Variants in SFI1 observed in about 807,000 individuals in gnomAD.
SFI1 encodes the protein SFI1 centrin binding protein, also known as protein SFI1 homolog.
SFI1 carries 195 observed loss-of-function variants against 207.5 expected under a neutral mutation model. The observed-to-expected ratio is 0.94, with a 90% CI of 0.84 to 1.06. The LOEUF is 1.06. Ranked by LOEUF, SFI1 falls within the 50% of genes least tolerant of loss-of-function variation. SFI1 has a pLI of 0.00. For missense variants in SFI1, 1,634 were observed against 1,588.0 expected, an observed-to-expected ratio of 1.03 and a Z score of -0.49; for synonymous variants, 630 against 598.9, an observed-to-expected ratio of 1.05 and a Z score of -0.76.
chr22:31,590,963 AT>A (rs1436353993), intron 15 of SFI1, among the ~76,000 whole-genome samples: 33 of 14,496 alleles, frequency 2.3e-3, no homozygotes, highest in African/African-American at 5.5e-3. Context: ...TTATTTATTT[AT>A]TTATTTATTT....
At chr22:31,547,554 G>A (rs753952704) in intron 5 of SFI1, among the ~76,000 whole-genome samples, 42 of 151,514 alleles carry the variant, frequency 2.8e-4, no homozygotes, top group Non-Finnish European at 4.6e-4. Flanking sequence ...CAGGTGATCC[G>A]CCTGCCTTGG....
intron 15 of SFI1, among the ~76,000 whole-genome samples, chr22:31,591,483 C>T (rs1287748720): frequency 6.6e-6 from 1 of 151,932 alleles, no homozygotes. Flanking sequence ...AGCTATTGGG[C>T]ACACCTCCCA....
chr22:31,580,342 C>T lies in SFI1; in HGVS notation c.1226C>T (p.Ala409Val), dbSNP rs1364658898. The change falls in exon 12 of 33, where the codon GCT (alanine) becomes GTT (valine). Residue 409 changes from alanine to valine, a missense_variant. By Grantham distance (64) the Ala-to-Val change is moderately conservative. Transcript: ENST00000400288. ...AHLQQIRRNL[A>V]HQQHGVTLLH... ...CTCCAGCAAATAAGAAGGAATCTTG[C>T]TCACCAGCAGCATGGTGTCACGGTG... 1 of 1,613,872 alleles carries T rather than the reference C, an allele frequency of 6.2e-7. No individual in the cohort carries two copies. The highest frequency in any genetic ancestry group is 1.7e-5 in the Admixed American group (1 of 60,004).
chr22:31,610,941 C>T (rs893890992), intron 22 of SFI1, among the ~76,000 whole-genome samples: 4 of 152,144 alleles, frequency 2.6e-5, no homozygotes, highest in African/African-American at 9.7e-5. Context: ...GGTTCCAGTC[C>T]CCGGGGGGTT....
rs2060162152 is a variant in SFI1, at chr22:31,547,099, G to T, written c.449+128G>T. 6.3e-6 allele frequency: 4 copies of T among 634,972 alleles called. No homozygotes were observed. In the Admixed American group the frequency reaches 1.2e-4, roughly 19 times the overall value. The allele number at this position is 634,972 out of a possible 1,614,324, so 39.3% of individuals were successfully genotyped here. On this transcript the variant is annotated intron_variant, in intron 5 of 32. Coordinates refer to ENST00000400288, the MANE Select transcript of SFI1 (RefSeq NM_001007467.3). ...TTGGTTTTTCTTCAAATCCTTTTTG[G>T]AGTTAGCAAGATCAGAGTTCCAAAT...
chr22:31,616,499 G>C (rs1219044637), intron 29 of SFI1: 2 of 437,204 alleles, frequency 4.6e-6, no homozygotes, highest in African/African-American at 4.1e-5. Context: ...GCGTGAGGCG[G>C]ACTGTGGTGA....
intron 8 of SFI1, among the ~76,000 whole-genome samples, chr22:31,569,068 A>C (rs62237773): frequency 1.3e-5 from 2 of 152,154 alleles, no homozygotes; most frequent in Admixed American, 6.6e-5. Flanking sequence ...CCTTTCCTAT[A>C]TAAACTGTTA....
At chr22:31,607,712 T>C in intron 21 of SFI1, 1 of 384,282 alleles carries the variant, frequency 2.6e-6, no homozygotes, top group Admixed American at 3.8e-5. Flanking sequence ...TAAATCCTGG[T>C]AGAAGAGTCC....
chr22:31,531,480 C>T (rs138036456), intron 4 of SFI1, among the ~76,000 whole-genome samples: 1,757 of 152,322 alleles, frequency 0.012, 10 homozygotes, highest in Middle Eastern at 0.031. Context: ...AAGAATCAGG[C>T]AGGGCGCCGT....
In SFI1 at chr22:31,611,070, T is replaced by G. The variant is rs531186378; in HGVS notation, c.2255-73T>G. On this transcript the variant is annotated intron_variant, in intron 22 of 32. Transcript: ENST00000400288. ...TCCCTGCACAGCCATCTCTGCTGTCTGCACCTTCACCATTATGTAGTCACT... is the reference window on the plus strand; with the variant it reads ...TCCCTGCACAGCCATCTCTGCTGTCGGCACCTTCACCATTATGTAGTCACT... The G allele has an allele frequency of 2.6e-5, 41 of 1,599,634 alleles. No homozygotes were observed. In the East Asian group the frequency reaches 8.9e-4, roughly 35 times the overall value.
intron 4 of SFI1, among the ~76,000 whole-genome samples, chr22:31,533,496 C>G (rs1569236773): frequency 6.6e-6 from 1 of 152,108 alleles, no homozygotes; most frequent in African/African-American, 2.4e-5. Context: ...TGTGACTGTA[C>G]TCCAGCCTGA....
At position 31,613,545 on chromosome 22, in the gene SFI1, C is replaced by T. The variant is rs752504689; in HGVS notation, c.2742+15C>T. The T allele has an allele frequency of 3.8e-6, 6 of 1,582,088 alleles. No individual in the cohort carries two copies. In the East Asian group the frequency reaches 1.4e-4, roughly 36 times the overall value. On this transcript the variant is annotated intron_variant, in intron 26 of 32. Coordinates refer to ENST00000400288, the MANE Select transcript of SFI1 (RefSeq NM_001007467.3). ...AGCAGGTCCAGGTAGGCCCAGGGCC[C>T]CTTCCTGTGGGGAGCAGGCAGGGTG...
intron 2 of SFI1, among the ~76,000 whole-genome samples, chr22:31,528,456 TCCAGGGGGTGCC>T (rs2058147184): frequency 6.6e-6 from 1 of 152,116 alleles, no homozygotes; most frequent in Admixed American, 6.6e-5. Flanking sequence ...GCCTAATGAC[TCCAGGGGGTGCC>T]CTCCAGCTCT....
chr22:31,562,707 C>A (rs2148311529), intron 8 of SFI1, among the ~76,000 whole-genome samples: 2 of 151,786 alleles, frequency 1.3e-5, no homozygotes, highest in Admixed American at 1.3e-4. Context: ...AGTCTTGGCT[C>A]ACTGCAAGCT....
At chr22:31,538,785 T>A (rs1000774468) in intron 4 of SFI1, among the ~76,000 whole-genome samples, 1 of 152,166 alleles carries the variant, frequency 6.6e-6, no homozygotes, top group East Asian at 1.9e-4. Context: ...AACTCTCCTT[T>A]GTTGATTCTT....
intron 4 of SFI1, among the ~76,000 whole-genome samples, chr22:31,534,774 GT>G (rs551696416): frequency 0.016 from 2,318 of 144,164 alleles, 19 homozygotes; most frequent in Middle Eastern, 0.033. Flanking sequence ...TGTAAACAAG[GT>G]TTTTTTTTTT....
chr22:31,543,231 A>C (rs767009085), intron 4 of SFI1, among the ~76,000 whole-genome samples: 11 of 152,088 alleles, frequency 7.2e-5, no homozygotes, highest in African/African-American at 2.7e-4. Context: ...TGGCCTCCCA[A>C]AGTGCTGGGA....
At chr22:31,598,153 ATT>A (rs554085241) in intron 15 of SFI1, among the ~76,000 whole-genome samples, 3 of 138,134 alleles carry the variant, frequency 2.2e-5, no homozygotes, top group Non-Finnish European at 3.2e-5. Flanking sequence ...AATTTTTTGT[ATT>A]TTTTTTTTTT....
intron 8 of SFI1, among the ~76,000 whole-genome samples, chr22:31,566,604 G>T (rs371519469): frequency 6.6e-6 from 1 of 152,144 alleles, no homozygotes; most frequent in South Asian, 2.1e-4. Context: ...TATTTCATCT[G>T]TTTGTACCTC....
Sources: allele counts gnomAD v4.1 joint callset (sites outside exome capture counted in the v4.1 genomes callset), GRCh38; gene constraint gnomAD v4.1.1; transcripts MANE v1.5; gene names NCBI Gene and HGNC (gene_info 2026-07-23, HGNC 2026-07-21).